The following AGBL1 variants were observed in gnomAD, a reference collection of about 807,000 sequenced individuals.
The protein encoded by AGBL1 is AGBL carboxypeptidase 1, also known as cytosolic carboxypeptidase 4.
In AGBL1, 130 loss-of-function variants were observed where a neutral mutation model predicts 118.9. The ratio of observed to expected loss-of-function variants is 1.09; its 90% CI spans 0.95 to 1.26. AGBL1 has a LOEUF of 1.26. AGBL1 is among the 50% of genes most tolerant of loss of function. The probability of loss-of-function intolerance (pLI) is 0.00; values close to 1 mark genes in which losing one functional copy is unlikely to be tolerated. For missense variants in AGBL1, 1,584 were observed against 1,298.1 expected, an observed-to-expected ratio of 1.22 and a Z score of -3.38; for synonymous variants, 555 against 478.9, an observed-to-expected ratio of 1.16 and a Z score of -2.08.
intron 22 of AGBL1, 22 bp downstream of exon 22, chr15:86,674,458 A>C: frequency 6.3e-7 from 1 of 1,589,704 alleles, no homozygotes; most frequent in Non-Finnish European, 8.6e-7. Context: ...CCAAGGGCTC[A>C]GAGAAATTTG....
intron 23 of AGBL1, among the ~76,000 whole-genome samples, chr15:86,945,810 G>A (rs1243134613): frequency 2.6e-5 from 4 of 152,188 alleles, no homozygotes; most frequent in African/African-American, 9.7e-5. Flanking sequence ...TCAGCAGTCT[G>A]GGGATACAGC....
intron 18 of AGBL1, among the ~76,000 whole-genome samples, chr15:86,462,407 T>A (rs892178789): frequency 1.6e-4 from 24 of 152,246 alleles, no homozygotes; most frequent in African/African-American, 5.8e-4. Context: ...CCGTTTCCTC[T>A]GCTGCATCAT....
At chr15:86,991,546 C>T (rs2081335685) in intron 24 of AGBL1, among the ~76,000 whole-genome samples, 1 of 151,910 alleles carries the variant, frequency 6.6e-6, no homozygotes, top group South Asian at 2.1e-4. Flanking sequence ...AGGACAAAAT[C>T]CATAAGGATG....
At chr15:86,195,773 C>T (rs571319992) in intron 5 of AGBL1, among the ~76,000 whole-genome samples, 1 of 152,304 alleles carries the variant, frequency 6.6e-6, no homozygotes, top group Non-Finnish European at 1.5e-5. Flanking sequence ...AATATAGATA[C>T]TGGCTATGCA....
At chr15:86,654,572 G>A (rs1443002439) in intron 21 of AGBL1, among the ~76,000 whole-genome samples, 1 of 152,112 alleles carries the variant, frequency 6.6e-6, no homozygotes, top group Non-Finnish European at 1.5e-5. Flanking sequence ...GCTTTACAGA[G>A]TACATTGTTG....
intron 17 of AGBL1, among the ~76,000 whole-genome samples, chr15:86,322,925 T>G (rs2080126085): frequency 6.6e-6 from 1 of 152,182 alleles, no homozygotes; most frequent in African/African-American, 2.4e-5. Flanking sequence ...TTTGTGGCTT[T>G]TTTGAGTACC....
intron 17 of AGBL1, among the ~76,000 whole-genome samples, chr15:86,365,001 A>ATATATATATATATATG (rs2080864465): frequency 5.3e-5 from 7 of 131,966 alleles, no homozygotes; most frequent in South Asian, 2.3e-4. Flanking sequence ...ACACACACAT[A>ATATATATATATATATG]TATATATACA....
intron 17 of AGBL1, among the ~76,000 whole-genome samples, chr15:86,382,560 C>A (rs1991668): frequency 0.29 from 44,208 of 151,634 alleles, 7,084 homozygotes; most frequent in East Asian, 0.74. Context: ...GCCGGTTGCC[C>A]AGCAACTGGA....
chr15:86,319,743 G>GTTTTTTTTTTT lies in AGBL1; in HGVS notation c.2374+24361_2374+24371dup, dbSNP rs139831044. 9.1e-4 allele frequency among the ~76,000 whole-genome samples: 43 copies of GTTTTTTTTTTT among 47,252 alleles called. 10 individuals are homozygous for GTTTTTTTTTTT. The highest frequency in any genetic ancestry group is 1.1e-3 in the Non-Finnish European group (32 of 27,906). The allele number at this position is 47,252 out of a possible 152,430, so 31.0% of individuals were successfully genotyped here. ...TGTACTTTGTTTTGCCTCTTTGGTA[G>GTTTTTTTTTTT]TTTTTTTTTTTTTTTTTTTTTTTTT... is the stretch of plus-strand genomic sequence containing the variant. On this transcript the variant is annotated intron_variant, in intron 17 of 22. Transcript: ENST00000614907.
chr15:86,810,545 T>C (rs1327960326), intron 22 of AGBL1, among the ~76,000 whole-genome samples: 2 of 152,148 alleles, frequency 1.3e-5, no homozygotes, highest in East Asian at 1.9e-4. Flanking sequence ...CTAGGAAATA[T>C]ACTGTGGGGA....
At chr15:86,785,378 TG>T (rs778601980) in intron 22 of AGBL1, among the ~76,000 whole-genome samples, 1,695 of 139,110 alleles carry the variant, frequency 0.012, 37 homozygotes, top group Middle Eastern at 0.022. Context: ...TTTTTTTTTT[TG>T]TTTTTGTTTT....
At chr15:86,473,758 T>C (rs2082513959) in intron 18 of AGBL1, among the ~76,000 whole-genome samples, 1 of 152,258 alleles carries the variant, frequency 6.6e-6, no homozygotes, top group Admixed American at 6.5e-5. Context: ...TTTGGAATTT[T>C]AGTTCCTTCT....
chr15:86,414,528 G>A (rs2081664013), intron 18 of AGBL1, among the ~76,000 whole-genome samples: 1 of 152,154 alleles, frequency 6.6e-6, no homozygotes, highest in Non-Finnish European at 1.5e-5. Flanking sequence ...TAGCAGATTG[G>A]TGCTAATAGA....
At chr15:86,754,535 C>G (rs567402549) in intron 22 of AGBL1, among the ~76,000 whole-genome samples, 4 of 151,980 alleles carry the variant, frequency 2.6e-5, no homozygotes, top group African/African-American at 4.8e-5. Context: ...TCTTTTGTGT[C>G]TGTCCATGAG....
chr15:86,429,890 C>A (rs931456056), intron 18 of AGBL1, among the ~76,000 whole-genome samples: 2 of 152,170 alleles, frequency 1.3e-5, no homozygotes, highest in African/African-American at 4.8e-5. Flanking sequence ...ATTCTTTACC[C>A]TTGTCCACAC....
intron 24 of AGBL1, among the ~76,000 whole-genome samples, chr15:87,025,421 A>AC (rs1270199388): frequency 6.6e-6 from 1 of 152,034 alleles, no homozygotes; most frequent in African/African-American, 2.4e-5. Flanking sequence ...CATGAAAAAA[A>AC]CTTAGGAATA....
chr15:86,312,231 G>A (rs1370313388), intron 17 of AGBL1: 2 of 152,226 alleles, frequency 1.3e-5, no homozygotes, highest in Admixed American at 1.3e-4. Flanking sequence ...GAAAACCGAT[G>A]TGAATGATGT....
rs144030609 is a variant in AGBL1 at position 87,010,841 on chromosome 15, C to T, written c.3324-17984C>T. Among the ~76,000 whole-genome samples the T allele has an allele frequency of 4.4e-3, 674 of 152,320 alleles. 1 individual carries two copies. The highest frequency in any genetic ancestry group is 8.3e-3 in the South Asian group (40 of 4,826). Reference sequence around the variant, plus strand: ...TGTCATCTATCTGTCTGCCTACATACTTACCTACCCACCTACCTATCTATC... The same window carrying T: ...TGTCATCTATCTGTCTGCCTACATATTTACCTACCCACCTACCTATCTATC... On this transcript the variant is annotated intron_variant, in intron 24 of 24. Coordinates refer to the AGBL1 transcript ENST00000441037.
intron 22 of AGBL1, among the ~76,000 whole-genome samples, chr15:86,723,544 T>C (rs980757678): frequency 1.3e-5 from 2 of 151,948 alleles, no homozygotes; most frequent in African/African-American, 4.8e-5. Flanking sequence ...TTAGGAGATA[T>C]ACCTAATATT....
Sources: allele counts gnomAD v4.1 joint callset (sites outside exome capture counted in the v4.1 genomes callset), GRCh38; gene constraint gnomAD v4.1.1; transcripts MANE v1.5; gene names NCBI Gene and HGNC (gene_info 2026-07-23, HGNC 2026-07-21).